Variants in POLR2F observed in about 807,000 individuals in gnomAD.
POLR2F encodes the protein RNA polymerase II, I and III subunit F.
In POLR2F, 12 loss-of-function variants were observed where a neutral mutation model predicts 22.7. The ratio of observed to expected loss-of-function variants is 0.53; its 90% CI spans 0.34 to 0.86. The LOEUF (loss-of-function observed/expected upper bound fraction) is 0.86, where lower values mean the gene tolerates loss of function less well. Among genes scored for constraint, POLR2F ranks in the 40% least tolerant of loss-of-function variants. The pLI, the probability that POLR2F is intolerant of heterozygous loss-of-function variation, is 0.02. For missense variants in POLR2F, 126 were observed against 171.5 expected (o/e 0.73, Z 1.48); for synonymous variants, 57 against 66.0 (o/e 0.86, Z 0.66).
At chr22:37,998,979 C>T (rs1344544828) in intron 1 of POLR2F, among the ~76,000 whole-genome samples, 2 of 151,794 alleles carry the variant, frequency 1.3e-5, no homozygotes, top group Non-Finnish European at 2.9e-5. Flanking sequence ...TGCTTTTCAC[C>T]ACAGATGCGC....
chr22:37,985,864 C>T (rs530395936), upstream of POLR2F, among the ~76,000 whole-genome samples: 1 of 152,082 alleles, frequency 6.6e-6, no homozygotes, highest in African/African-American at 2.4e-5. Context: ...TGCTCACACA[C>T]ACAACCAGCC....
At chr22:38,002,341 T>C (rs1383239388) in intron 1 of POLR2F, among the ~76,000 whole-genome samples, 1 of 152,222 alleles carries the variant, frequency 6.6e-6, no homozygotes, top group African/African-American at 2.4e-5. Flanking sequence ...AAAACTTGTT[T>C]ATAGCCAACC....
upstream of POLR2F, chr22:37,986,017 C>T: frequency 4.4e-6 from 6 of 1,356,918 alleles, no homozygotes; most frequent in East Asian, 2.7e-5. This position sits in a 1 kb window ranked among gnomAD's most constrained non-coding sequence, Gnocchi z 4.7. Flanking sequence ...GCCAACCCTC[C>T]TCCCCCCGCC....
chr22:38,006,953 T>C (rs1353878814), intron 1 of POLR2F, among the ~76,000 whole-genome samples: 1 of 152,224 alleles, frequency 6.6e-6, no homozygotes, highest in Non-Finnish European at 1.5e-5. Flanking sequence ...ACCCTGCATC[T>C]GTCTTCTTGT....
chr22:38,041,231 A>C, downstream of POLR2F: 17 of 1,360,246 alleles, frequency 1.2e-5, no homozygotes, highest in East Asian at 4.9e-5. Flanking sequence ...GTCTAGACTG[A>C]TGGACCAGAT....
intron 1 of POLR2F, among the ~76,000 whole-genome samples, chr22:37,990,710 A>G (rs116735307): frequency 0.025 from 3,783 of 152,366 alleles, 156 homozygotes; most frequent in African/African-American, 0.086. Flanking sequence ...TCAAGACCCA[A>G]TGGCTGTGGA....
rs1174081607 is a variant in POLR2F at position 37,974,681 on chromosome 22, T to C, written c.293+7511T>C. On this transcript the variant is annotated intron_variant, in intron 4 of 4. Transcript: ENST00000405557. This position sits in a 1 kb window ranked among gnomAD's most constrained non-coding sequence, Gnocchi z 5.4. The stretch of plus-strand genomic sequence containing the variant: ...TTTGTTTAAATACTGGTGTCTTAGA[T>C]TGATCTCTAGTTGTTTATGAAATTC... 1.3e-5 allele frequency among the ~76,000 whole-genome samples: 2 copies of C among 152,128 alleles called. No homozygotes were observed. Among genetic ancestry groups the C allele is most frequent in the Non-Finnish European group, 2.9e-5 (2 of 68,020 alleles).
chr22:38,005,453 G>A (rs748460829), intron 1 of POLR2F, among the ~76,000 whole-genome samples: 9 of 152,198 alleles, frequency 5.9e-5, no homozygotes, highest in Non-Finnish European at 8.8e-5. Context: ...TCCTAATGGG[G>A]AACCACAAAG....
intron 3 of POLR2F, among the ~76,000 whole-genome samples, chr22:37,964,975 C>T (rs897262803): frequency 2.6e-5 from 4 of 152,192 alleles, no homozygotes; most frequent in African/African-American, 9.7e-5. Context: ...GGCTCCTTGC[C>T]TGCTGTAAGC....
downstream of POLR2F, among the ~76,000 whole-genome samples, chr22:38,029,532 C>T (rs1601916975): frequency 6.6e-6 from 1 of 152,336 alleles, no homozygotes; most frequent in East Asian, 1.9e-4. Flanking sequence ...GGACTTCTAA[C>T]TGGCAAGACC....
At chr22:37,956,882 G>A in intron 2 of POLR2F, 40 bp downstream of exon 2, 1 of 1,511,456 alleles carries the variant, frequency 6.6e-7, no homozygotes, top group Non-Finnish European at 9.2e-7. Flanking sequence ...TGCAGCCCAA[G>A]CTGCCAAATC....
upstream of POLR2F, chr22:37,983,256 A>G: frequency 7.4e-7 from 1 of 1,346,300 alleles, no homozygotes; most frequent in Non-Finnish European, 1.0e-6. The surrounding 1 kb of genome is among the most constrained non-coding windows in gnomAD (Gnocchi z 9.5). Flanking sequence ...GAGGACTGCC[A>G]GACAGTCCCG....
At chr22:37,975,619 C>T (rs1425671517) in intron 4 of POLR2F, among the ~76,000 whole-genome samples, 2 of 152,174 alleles carry the variant, frequency 1.3e-5, no homozygotes, top group African/African-American at 4.8e-5. Context: ...GCCTGTGCCT[C>T]CTTCATCAGA....
rs1445895954 is a variant in POLR2F, at chr22:38,017,284, G to C, written c.121-8585G>C. On this transcript the variant is annotated intron_variant, in intron 1 of 2. Transcript: ENST00000333418. This position sits in a 1 kb window ranked among gnomAD's most constrained non-coding sequence, Gnocchi z 4.1. ...CCTGGGTCTGTGCGTCTGAGCCTCG[G>C]GTGGAATAGGGGGCTCACACTAGGA... Among the ~76,000 whole-genome samples the C allele has an allele frequency of 6.6e-6, 1 of 152,184 alleles. No individual in the cohort carries two copies. The highest frequency in any genetic ancestry group is 1.5e-5 in the Non-Finnish European group (1 of 68,030).
At chr22:37,959,575 C>A in intron 3 of POLR2F, 99 bp downstream of exon 3, 1 of 1,364,388 alleles carries the variant, frequency 7.3e-7, no homozygotes, top group Non-Finnish European at 1.0e-6. Flanking sequence ...AACAGACTCT[C>A]TGCTCTCACA....
At chr22:37,966,254 C>T (rs1473202332) in intron 3 of POLR2F, among the ~76,000 whole-genome samples, 1 of 151,964 alleles carries the variant, frequency 6.6e-6, no homozygotes, top group Admixed American at 6.6e-5. Context: ...ATCTAGGGAA[C>T]CAGAAATAGT....
rs1319814236 is a variant in POLR2F, at chr22:37,997,434, G to A, written c.120+11122G>A. Among the ~76,000 whole-genome samples, 1 of 151,896 alleles carries A rather than the reference G, an allele frequency of 6.6e-6. No homozygotes were observed. The highest frequency in any genetic ancestry group is 1.5e-5 in the Non-Finnish European group (1 of 67,978). Reference sequence around the variant, plus strand: ...TGGCTCCCTGTCTCTCTCCAGCCCTGTCTCTGTCTCTCCCTGTTTTTCTCT... The same window carrying A: ...TGGCTCCCTGTCTCTCTCCAGCCCTATCTCTGTCTCTCCCTGTTTTTCTCT... On this transcript the variant is annotated intron_variant, in intron 1 of 2. Coordinates refer to the POLR2F transcript ENST00000333418. The surrounding 1 kb of genome is among the most constrained non-coding windows in gnomAD (Gnocchi z 4.4).
intron 1 of POLR2F, among the ~76,000 whole-genome samples, chr22:38,010,685 C>T (rs1309411698): frequency 6.9e-5 from 9 of 129,986 alleles, no homozygotes; most frequent in Non-Finnish European, 1.2e-4. Context: ...GGCGCGATCT[C>T]GGCTCACTGC....
In POLR2F at chr22:37,978,692, G is replaced by A. The variant is rs1932300774; in HGVS notation, c.293+11522G>A. Among the ~76,000 whole-genome samples, 1 of 152,168 alleles carries A rather than the reference G, an allele frequency of 6.6e-6. No homozygotes were observed. Among genetic ancestry groups the A allele is most frequent in the African/African-American group, 2.4e-5 (1 of 41,424 alleles). On this transcript the variant is annotated intron_variant, in intron 4 of 4. Transcript: ENST00000405557. The surrounding 1 kb of genome is among the most constrained non-coding windows in gnomAD (Gnocchi z 5.0). ...TAACATTGGCTTAACTTGGGTGTGG[G>A]ATTGGCCAGAATAATGGATGTGAGA...
Sources: allele counts gnomAD v4.1 joint callset (sites outside exome capture counted in the v4.1 genomes callset), GRCh38; gene constraint gnomAD v4.1.1; non-coding constraint Gnocchi (gnomAD v3.1); transcripts MANE v1.5; gene names NCBI Gene and HGNC (gene_info 2026-07-23, HGNC 2026-07-21).